Variants in PRH1 observed in about 807,000 individuals in gnomAD.
PRH1 encodes salivary acidic proline-rich phosphoprotein 1/2.
In PRH1, 7 loss-of-function variants were observed where a neutral mutation model predicts 7.9. The ratio of observed to expected loss-of-function variants is 0.89; its 90% CI spans 0.50 to 1.67. The LOEUF is 1.67. Among genes scored for constraint, PRH1 ranks in the 40% most tolerant of loss-of-function variants. PRH1 has a pLI of 0.00. For synonymous variants in PRH1, 45 were observed against 80.8 expected, an observed-to-expected ratio of 0.56 and a Z score of 2.38; for missense variants, 109 against 223.6, an observed-to-expected ratio of 0.49 and a Z score of 3.27.
intron 2 of PRH1, among the ~76,000 whole-genome samples, chr12:10,904,416 A>G (rs1250622365): frequency 6.6e-6 from 1 of 152,170 alleles, no homozygotes; most frequent in Non-Finnish European, 1.5e-5. Flanking sequence ...TGACAAAAAT[A>G]AACAATGGGG....
chr12:10,991,249 T>C (rs185555731), intron 1 of PRH1, among the ~76,000 whole-genome samples: 2 of 152,302 alleles, frequency 1.3e-5, no homozygotes, highest in African/African-American at 4.8e-5. Flanking sequence ...TAATTGATCA[T>C]AGAGAAAAAT....
At chr12:11,031,406 C>G (rs1942210257) in intron 1 of PRH1, 1 of 1,546,632 alleles carries the variant, frequency 6.5e-7, no homozygotes. Context: ...CAGGTGGGTT[C>G]GTGGTCTCCC....
intron 2 of PRH1, among the ~76,000 whole-genome samples, chr12:10,890,248 G>C (rs1433229562): frequency 6.6e-6 from 1 of 152,072 alleles, no homozygotes; most frequent in Admixed American, 6.6e-5. Context: ...GGTTTTCCCT[G>C]GGTCAATCTC....
chr12:10,970,731 A>T (rs1938772670), intron 2 of PRH1, among the ~76,000 whole-genome samples: 1 of 151,758 alleles, frequency 6.6e-6, no homozygotes, highest in African/African-American at 2.4e-5. Flanking sequence ...CAATCAGCTA[A>T]TTTTTTGTAT....
chr12:11,116,778 T>C (rs1409080877), downstream of PRH1, among the ~76,000 whole-genome samples: 1 of 151,984 alleles, frequency 6.6e-6, no homozygotes, highest in African/African-American at 2.4e-5. Context: ...CATACACAAA[T>C]CAATCAATGT....
chr12:11,084,098 G>A (rs1447494258), intron 1 of PRH1, among the ~76,000 whole-genome samples: 2 of 46,402 alleles, frequency 4.3e-5, no homozygotes, highest in Admixed American at 2.5e-4. Flanking sequence ...TAGATAGCAC[G>A]GTCCAACCCC....
chr12:10,907,030 T>G (rs1949814826), intron 2 of PRH1, among the ~76,000 whole-genome samples: 1 of 152,292 alleles, frequency 6.6e-6, no homozygotes, highest in Middle Eastern at 3.4e-3. Context: ...GAATTAAAAC[T>G]ATGATGAGAT....
intron 2 of PRH1, chr12:10,964,579 G>A (rs1213931037): frequency 8.1e-6 from 3 of 372,454 alleles, no homozygotes; most frequent in Admixed American, 3.0e-5. Flanking sequence ...GGACAGGTTC[G>A]TTCTACAGCC....
chr12:11,072,501 T>A (rs1176462027), intron 1 of PRH1, among the ~76,000 whole-genome samples: 1 of 152,230 alleles, frequency 6.6e-6, no homozygotes, highest in Admixed American at 6.5e-5. Context: ...GAAATTCTCC[T>A]CCACTGGCAA....
At chr12:11,049,266 A>G, upstream of PRH1, 1 of 718,680 alleles carries the variant, frequency 1.4e-6, no homozygotes, top group Non-Finnish European at 1.8e-6. Flanking sequence ...TGTTTGAACA[A>G]ATGAAAAGAA....
intron 2 of PRH1, chr12:10,930,915 C>T (rs779349016): frequency 5.0e-6 from 8 of 1,608,234 alleles, no homozygotes; most frequent in African/African-American, 1.3e-5. Flanking sequence ...GAGGCCATCC[C>T]CGTCCTCCTC....
Position 10,983,707 on chromosome 12 carries a change from C to T in PRH1, c.-125-9986G>A, listed in dbSNP as rs561331011. ...TGCCGGCTGTGGTTTCCCCTTGCAG[C>T]CCTTCTGGAAAAGTACTGGGAGTCA... On this transcript the variant is annotated intron_variant, in intron 1 of 3. Transcript: ENST00000539853. 2.0e-5 allele frequency among the ~76,000 whole-genome samples: 3 copies of T among 152,344 alleles called. No individual in the cohort carries two copies. In the East Asian group the frequency reaches 5.8e-4, roughly 29 times the overall value.
chr12:11,101,503 A>G (rs1945246902), intron 1 of PRH1, among the ~76,000 whole-genome samples: 1 of 152,166 alleles, frequency 6.6e-6, no homozygotes, highest in African/African-American at 2.4e-5. Context: ...ATAAAAATAG[A>G]AAAGTTTTAA....
At chr12:10,891,923 T>C (rs376464065) in intron 2 of PRH1, 5 of 152,138 alleles carry the variant, frequency 3.3e-5, no homozygotes, top group African/African-American at 9.7e-5. Context: ...TAAGCAAATA[T>C]CTCTGGAGAG....
chr12:10,919,602 G>T (rs1234559149), intron 2 of PRH1, among the ~76,000 whole-genome samples: 1 of 151,820 alleles, frequency 6.6e-6, no homozygotes, highest in Non-Finnish European at 1.5e-5. Flanking sequence ...TCTGTTTGTT[G>T]TGAGTTAGAA....
intron 1 of PRH1, among the ~76,000 whole-genome samples, chr12:11,161,778 C>T (rs1217201165): frequency 2.0e-5 from 3 of 152,018 alleles, no homozygotes; most frequent in Admixed American, 1.3e-4. Flanking sequence ...ACCATTGTTT[C>T]GAATGCCTTC....
intron 2 of PRH1, among the ~76,000 whole-genome samples, chr12:10,954,468 T>G (rs1048418636): frequency 4.0e-5 from 6 of 151,074 alleles, no homozygotes; most frequent in African/African-American, 1.4e-4. Flanking sequence ...AACTTCTTTT[T>G]GTTTGTTTGT....
At chr12:10,911,615 G>T (rs932961821) in intron 2 of PRH1, among the ~76,000 whole-genome samples, 1 of 152,140 alleles carries the variant, frequency 6.6e-6, no homozygotes, top group African/African-American at 2.4e-5. Flanking sequence ...TTGCAGCTAT[G>T]TTTTTAAGGA....
intron 1 of PRH1, among the ~76,000 whole-genome samples, chr12:11,165,936 A>C (rs945962048): frequency 2.0e-5 from 3 of 152,248 alleles, no homozygotes; most frequent in Non-Finnish European, 4.4e-5. Context: ...CTTGTTAATC[A>C]GAGAAAAGTT....
Sources: gnomAD v4.1 joint callset for allele counts (sites outside exome capture counted in the v4.1 genomes callset) on GRCh38, gnomAD v4.1.1 for gene constraint, MANE v1.5 for transcripts, NCBI Gene and HGNC (gene_info 2026-07-23, HGNC 2026-07-21) for gene names.